The following RBFOX3 variants were observed in gnomAD, a reference collection of about 807,000 sequenced individuals.
RBFOX3 encodes the protein RNA binding protein fox-1 homolog 3.
Under a neutral mutation model 48.7 loss-of-function variants are expected in RBFOX3, and 17 were observed. The ratio of observed to expected loss-of-function variants is 0.35; its 90% CI spans 0.24 to 0.52. The LOEUF (loss-of-function observed/expected upper bound fraction) is 0.52, where lower values mean the gene tolerates loss of function less well. Ranked by LOEUF, RBFOX3 falls within the 20% of genes least tolerant of loss-of-function variation. The probability of loss-of-function intolerance (pLI) is 0.94; values close to 1 mark genes in which losing one functional copy is unlikely to be tolerated. For missense variants in RBFOX3, 382 were observed against 497.5 expected, an observed-to-expected ratio of 0.77 and a Z score of 2.21; for synonymous variants, 212 against 209.5, an observed-to-expected ratio of 1.01 and a Z score of -0.10.
intron 4 of RBFOX3, among the ~76,000 whole-genome samples, chr17:79,191,168 T>C (rs1348424636): frequency 6.6e-6 from 1 of 152,184 alleles, no homozygotes; most frequent in Admixed American, 6.5e-5. Flanking sequence ...CATCAATTTT[T>C]AGAAAATCTT....
the RBFOX3 span, among the ~76,000 whole-genome samples, chr17:79,620,387 A>C: frequency 6.7e-6 from 1 of 149,380 alleles, no homozygotes; most frequent in East Asian, 2.0e-4. Flanking sequence ...ACACACATGC[A>C]CACATGCCCA....
At chr17:79,253,272 G>A (rs936593421) in intron 3 of RBFOX3, among the ~76,000 whole-genome samples, 1 of 151,970 alleles carries the variant, frequency 6.6e-6, no homozygotes, top group South Asian at 2.1e-4. Context: ...ACACACATCC[G>A]GACACAAAGC....
intron 2 of RBFOX3, among the ~76,000 whole-genome samples, chr17:79,450,590 T>C (rs936349711): frequency 2.0e-5 from 3 of 152,198 alleles, no homozygotes; most frequent in Non-Finnish European, 4.4e-5. Flanking sequence ...AAATATATTT[T>C]CAACTTAGCA....
At chr17:79,406,792 G>C (rs992812209) in intron 2 of RBFOX3, among the ~76,000 whole-genome samples, 1 of 152,160 alleles carries the variant, frequency 6.6e-6, no homozygotes, top group African/African-American at 2.4e-5. Flanking sequence ...ATGGGAAAGG[G>C]TGACTCCCTA....
chr17:79,332,077 G>A (rs1289611187), intron 2 of RBFOX3, among the ~76,000 whole-genome samples: 2 of 152,200 alleles, frequency 1.3e-5, no homozygotes, highest in Non-Finnish European at 2.9e-5. Flanking sequence ...CGGCAGGTCT[G>A]CTCTGGTCCC....
At position 79,111,761 on chromosome 17, in the gene RBFOX3, C is replaced by T. The variant is rs1333556692; in HGVS notation, c.222+3733G>A. Among the ~76,000 whole-genome samples the T allele has an allele frequency of 1.3e-5, 2 of 152,208 alleles. No homozygotes were observed. The highest frequency in any genetic ancestry group is 4.8e-5 in the African/African-American group (2 of 41,450). On this transcript the variant is annotated intron_variant, in intron 5 of 14. Coordinates refer to ENST00000693108, the MANE Select transcript of RBFOX3 (RefSeq NM_001350451.2). This position sits in a 1 kb window ranked among gnomAD's most constrained non-coding sequence, Gnocchi z 4.2. Reference sequence around the variant, plus strand: ...TAGCAAGCTGAGGGTCCCTTGAGCACAAAGACTCCCAAGGGCCCACAGTAC... The same window carrying T: ...TAGCAAGCTGAGGGTCCCTTGAGCATAAAGACTCCCAAGGGCCCACAGTAC...
rs756052155 is a variant in RBFOX3, at chr17:79,265,086, C to T, written c.-73-29281G>A. Reference sequence around the variant, plus strand: ...CACCTCCCCTGCCAGATGCCACGCTCGGCAGTGACCACAGGGTGAGCTGGG... The same window carrying T: ...CACCTCCCCTGCCAGATGCCACGCTTGGCAGTGACCACAGGGTGAGCTGGG... On this transcript the variant is annotated intron_variant, in intron 3 of 14. Coordinates refer to ENST00000693108, the MANE Select transcript of RBFOX3 (RefSeq NM_001350451.2). Among the ~76,000 whole-genome samples, 4 of 152,188 alleles carry T rather than the reference C, an allele frequency of 2.6e-5. 1 individual carries two copies. Among genetic ancestry groups the T allele is most frequent in the African/African-American group, 9.7e-5 (4 of 41,440 alleles).
intron 4 of RBFOX3, among the ~76,000 whole-genome samples, chr17:79,138,999 G>A (rs975552737): frequency 4.7e-5 from 5 of 105,514 alleles, no homozygotes; most frequent in African/African-American, 1.6e-4. Flanking sequence ...TCACACACAT[G>A]CACACAGCAC....
intron 3 of RBFOX3, among the ~76,000 whole-genome samples, chr17:79,265,688 G>T (rs997552372): frequency 3.9e-5 from 6 of 152,244 alleles, no homozygotes; most frequent in Non-Finnish European, 5.9e-5. Context: ...TGCCTTTCAA[G>T]ATCACTGCTA....
At chr17:79,289,116 C>T (rs1409983747) in intron 3 of RBFOX3, among the ~76,000 whole-genome samples, 1 of 152,166 alleles carries the variant, frequency 6.6e-6, no homozygotes, top group East Asian at 1.9e-4. Context: ...TTCTGCTGCT[C>T]CCCAGATCCC....
Position 79,242,054 on chromosome 17 carries a change from C to T in RBFOX3, c.-73-6249G>A, listed in dbSNP as rs1165381609. Among the ~76,000 whole-genome samples the T allele has an allele frequency of 6.6e-6, 1 of 152,336 alleles. No homozygotes were observed. Among genetic ancestry groups the T allele is most frequent in the African/African-American group, 2.4e-5 (1 of 41,572 alleles). ...CTCGATTCTTTGCTTTCTTTCCTTC[C>T]ATGTTTTCCTAAATGTGCAGTGACG... On this transcript the variant is annotated intron_variant, in intron 3 of 14. Coordinates refer to ENST00000693108, the MANE Select transcript of RBFOX3 (RefSeq NM_001350451.2). This position sits in a 1 kb window ranked among gnomAD's most constrained non-coding sequence, Gnocchi z 5.8.
In RBFOX3 at chr17:79,311,168, C is replaced by T. The variant is rs1295908252; in HGVS notation, c.-174-3344G>A. 6.6e-6 allele frequency among the ~76,000 whole-genome samples: 1 copy of T among 152,190 alleles called. No homozygotes were observed. Among genetic ancestry groups the T allele is most frequent in the Non-Finnish European group, 1.5e-5 (1 of 68,026 alleles). The stretch of plus-strand genomic sequence containing the variant: ...GCAGCACCAGCTGGGCGCAGTGGCT[C>T]ACGCCTATAATCCCAGCACTTTGGG... On this transcript the variant is annotated intron_variant, in intron 2 of 14. Coordinates refer to ENST00000693108, the MANE Select transcript of RBFOX3 (RefSeq NM_001350451.2). The surrounding 1 kb of genome is among the most constrained non-coding windows in gnomAD (Gnocchi z 4.2).
At chr17:79,356,647 G>C (rs868206794) in intron 2 of RBFOX3, among the ~76,000 whole-genome samples, 63 of 151,600 alleles carry the variant, frequency 4.2e-4, no homozygotes, top group African/African-American at 1.5e-3. Flanking sequence ...AGGATTACAG[G>C]CATGAGCCAC....
intron 2 of RBFOX3, among the ~76,000 whole-genome samples, chr17:79,313,357 CA>C (rs915112836): frequency 6.6e-6 from 1 of 152,180 alleles, no homozygotes; most frequent in African/African-American, 2.4e-5. Context: ...CAGTGAAGCA[CA>C]GTGAATATAG....
chr17:79,333,427 T>C (rs890738122), intron 2 of RBFOX3, among the ~76,000 whole-genome samples: 4 of 152,292 alleles, frequency 2.6e-5, no homozygotes, highest in Middle Eastern at 3.4e-3. Context: ...CCTGGTGTCA[T>C]GTCATCCAAA....
intron 1 of RBFOX3, among the ~76,000 whole-genome samples, chr17:79,537,977 G>A (rs530820319): frequency 5.5e-4 from 84 of 152,338 alleles, no homozygotes; most frequent in South Asian, 8.3e-4. Context: ...ACTGGGTGCT[G>A]TGGTGGGGTT....
chr17:79,519,848 G>T (rs1182495380), intron 1 of RBFOX3, among the ~76,000 whole-genome samples: 2 of 152,154 alleles, frequency 1.3e-5, no homozygotes, highest in African/African-American at 2.4e-5. Context: ...GTGCTGTCCC[G>T]CATGGCTGCT....
chr17:79,630,048 G>A, the RBFOX3 span, among the ~76,000 whole-genome samples: 397 of 152,136 alleles, frequency 2.6e-3, no homozygotes, highest in African/African-American at 9.1e-3. Context: ...GATCTGAATC[G>A]TATTTGTAAT....
At chr17:79,305,407 GA>G (rs2075963541) in intron 3 of RBFOX3, among the ~76,000 whole-genome samples, 1 of 152,222 alleles carries the variant, frequency 6.6e-6, no homozygotes, top group African/African-American at 2.4e-5. Flanking sequence ...CAAATAATCA[GA>G]AAAATCAAGA....
Sources: allele counts gnomAD v4.1 joint callset (sites outside exome capture counted in the v4.1 genomes callset), GRCh38; gene constraint gnomAD v4.1.1; non-coding constraint Gnocchi (gnomAD v3.1); transcripts MANE v1.5; gene names NCBI Gene and HGNC (gene_info 2026-07-23, HGNC 2026-07-21).